SLC4A4: variants seen among roughly 807,000 people sequenced by gnomAD.
The protein encoded by SLC4A4 is solute carrier family 4 member 4.
Under a neutral mutation model 111.5 loss-of-function variants are expected in SLC4A4, and 27 were observed. The ratio of observed to expected loss-of-function variants is 0.24; its 90% CI spans 0.18 to 0.33. SLC4A4 has a LOEUF of 0.33. Ranked by LOEUF, SLC4A4 falls within the 10% of genes least tolerant of loss-of-function variation. The pLI is 1.00. For missense variants in SLC4A4, 909 were observed against 1,315.5 expected, an observed-to-expected ratio of 0.69 and a Z score of 4.78; for synonymous variants, 443 against 463.4, an observed-to-expected ratio of 0.96 and a Z score of 0.57.
intron 2 of SLC4A4, among the ~76,000 whole-genome samples, chr4:71,176,302 A>G (rs565541867): frequency 6.6e-6 from 1 of 152,370 alleles, no homozygotes; most frequent in East Asian, 1.9e-4. Flanking sequence ...GCAGCTCCTC[A>G]CTAGCAATGG....
chr4:71,106,897 C>G lies in SLC4A4; in HGVS notation c.-2+14105C>G, dbSNP rs970635582. On this transcript the variant is annotated intron_variant, in intron 2 of 26. Transcript: ENST00000649996. ...ATGTAACTAACCTGCACAGTGTGCA[C>G]ATGTACCCTAAAACTTAAAGTATAA... is the stretch of plus-strand genomic sequence containing the variant. Among the ~76,000 whole-genome samples, 108 of 145,836 alleles carry G rather than the reference C, an allele frequency of 7.4e-4. 1 individual carries two copies. Among genetic ancestry groups the G allele is most frequent in the Admixed American group, 1.3e-3 (19 of 14,686 alleles).
At chr4:71,167,102 A>G (rs1304005516) in intron 2 of SLC4A4, among the ~76,000 whole-genome samples, 2 of 152,078 alleles carry the variant, frequency 1.3e-5, no homozygotes, top group Non-Finnish European at 2.9e-5. Flanking sequence ...CCAGCTGAAG[A>G]GATTTGAGGG....
intron 7 of SLC4A4, among the ~76,000 whole-genome samples, chr4:71,419,029 A>T (rs898761324): frequency 1.1e-4 from 17 of 152,304 alleles, no homozygotes; most frequent in African/African-American, 3.8e-4. Flanking sequence ...CCGCGAATGC[A>T]GCTGTCTGAT....
At chr4:71,195,238 T>TG in intron 1 of SLC4A4, among the ~76,000 whole-genome samples, 1 of 143,262 alleles carries the variant, frequency 7.0e-6, no homozygotes, top group African/African-American at 2.6e-5. Context: ...GAGTTTTTTT[T>TG]TTTTTTTTTT....
In SLC4A4 at chr4:71,350,059, C is replaced by T. The variant is rs1195936999; in HGVS notation, c.537C>T (p.Leu179=). Residue 179 remains leucine (L), a synonymous_variant, in exon 5 of 26, where the codon CTC becomes CTT. Coordinates refer to ENST00000264485, the MANE Select transcript of SLC4A4 (RefSeq NM_001098484.3). ...SIMLDREASS[L]PQLVEMIVDH... is the part of the protein sequence containing the mutation. ...TGCTTGATCGGGAGGCTTCTTCTCT[C>T]CCACAGTTGGTGGGTAAGTATGCTG... 2.5e-6 allele frequency: 4 copies of T among 1,614,080 alleles called. No individual in the cohort carries two copies. Among genetic ancestry groups the T allele is most frequent in the Non-Finnish European group, 3.4e-6 (4 of 1,179,992 alleles).
In SLC4A4 at chr4:71,450,297, G is replaced by T. The variant is rs1725640127; in HGVS notation, c.1054-92G>T. ...TGGCTGGATTAATATTAATAGCACAGTTGTTATGGGCTGCATTCTTCAGGC... is the reference window on the plus strand; with the variant it reads ...TGGCTGGATTAATATTAATAGCACATTTGTTATGGGCTGCATTCTTCAGGC... On this transcript the variant is annotated intron_variant, in intron 9 of 25. Transcript: ENST00000264485. 4 of 914,756 alleles carry T rather than the reference G, an allele frequency of 4.4e-6. No homozygotes were observed. In the East Asian group the frequency reaches 9.7e-5, roughly 22 times the overall value. 56.7% of individuals were successfully genotyped at this position (914,756 alleles called of 1,614,324 possible). A position where few individuals can be genotyped will look rare whatever the true frequency, so the allele number is the denominator to read the frequency against.
Position 71,313,189 on chromosome 4 carries a change from GA to G in SLC4A4, c.254-26180del, listed in dbSNP as rs1036001959. ...AACTTTCATTCACAATTGCTACAAAGAGAATAAAATACCGAGGAATACAACT... is the reference window on the plus strand; with the variant it reads ...AACTTTCATTCACAATTGCTACAAAGGAATAAAATACCGAGGAATACAACT... On this transcript the variant is annotated intron_variant, in intron 3 of 25. Transcript: ENST00000264485. 1.4e-4 allele frequency among the ~76,000 whole-genome samples: 22 copies of G among 152,266 alleles called. 1 individual carries two copies. Among genetic ancestry groups the G allele is most frequent in the Admixed American group, 1.2e-3 (19 of 15,294 alleles).
At chr4:71,443,191 C>T (rs1445718043) in intron 8 of SLC4A4, among the ~76,000 whole-genome samples, 1 of 145,044 alleles carries the variant, frequency 6.9e-6, no homozygotes, top group African/African-American at 2.6e-5. Context: ...TGCTGTGTCA[C>T]CCAGGCTGGA....
intron 2 of SLC4A4, among the ~76,000 whole-genome samples, chr4:71,101,265 AC>A (rs1742725366): frequency 6.6e-6 from 1 of 152,154 alleles, no homozygotes; most frequent in Non-Finnish European, 1.5e-5. Context: ...TCTCAAAAAA[AC>A]AAAAAAACAA....
rs187040672 is a variant in SLC4A4, at chr4:71,235,178, C to A, written c.-1-1398C>A. Among the ~76,000 whole-genome samples, 10 of 152,244 alleles carry A rather than the reference C, an allele frequency of 6.6e-5. No individual in the cohort carries two copies. In the East Asian group the frequency reaches 1.9e-3, roughly 29 times the overall value. On this transcript the variant is annotated intron_variant, in intron 1 of 25. Coordinates refer to ENST00000264485, the MANE Select transcript of SLC4A4 (RefSeq NM_001098484.3). ...CTTAAAAAAGCTAAAAACTTTGCTC[C>A]AGGTAGCACACTTGTTCAGTGGTAG... is the stretch of plus-strand genomic sequence containing the variant.
At chr4:71,564,727 C>A (rs1737310585) in intron 24 of SLC4A4, among the ~76,000 whole-genome samples, 1 of 151,844 alleles carries the variant, frequency 6.6e-6, no homozygotes, top group African/African-American at 2.4e-5. Flanking sequence ...ACTTTTATTT[C>A]TATTTTACCA....
At chr4:71,082,133 T>C (rs962166386) in intron 1 of SLC4A4, among the ~76,000 whole-genome samples, 7 of 152,084 alleles carry the variant, frequency 4.6e-5, no homozygotes, top group African/African-American at 1.7e-4. Flanking sequence ...GGTCAAGATT[T>C]AATTATTTTC....
intron 2 of SLC4A4, among the ~76,000 whole-genome samples, chr4:71,133,739 A>C (rs899733118): frequency 2.0e-5 from 3 of 152,194 alleles, no homozygotes; most frequent in Non-Finnish European, 4.4e-5. Flanking sequence ...CTATTGATGT[A>C]ATCATCTCCC....
chr4:71,459,111 A>T (rs1340720947), intron 12 of SLC4A4, among the ~76,000 whole-genome samples: 1 of 152,026 alleles, frequency 6.6e-6, no homozygotes, highest in African/African-American at 2.4e-5. Flanking sequence ...GCAAGTTGTG[A>T]ATTAAATCCT....
chr4:71,440,799 T>C (rs765961750), intron 8 of SLC4A4, 26 bp downstream of exon 8: 59 of 1,612,800 alleles, frequency 3.7e-5, no homozygotes, highest in Non-Finnish European at 3.5e-5. Context: ...ACCTGGGGTC[T>C]ACAATGTGCT....
chr4:71,444,465 C>CT lies in SLC4A4; in HGVS notation c.966-3172dup, dbSNP rs140834479. Among the ~76,000 whole-genome samples, 69 of 151,420 alleles carry CT rather than the reference C, an allele frequency of 4.6e-4. No individual in the cohort carries two copies. The East Asian group carries it at 9.9e-3, about 22-fold the overall frequency. ...AAGAACTTAGTAACATAAATTAATG[C>CT]TTTTTTTTTCCAAGCTGTCAAAGTA... On this transcript the variant is annotated intron_variant, in intron 8 of 25. Transcript: ENST00000264485.
At chr4:71,372,112 C>G (rs535276983) in intron 6 of SLC4A4, among the ~76,000 whole-genome samples, 1 of 152,302 alleles carries the variant, frequency 6.6e-6, no homozygotes, top group South Asian at 2.1e-4. Context: ...TAAAGTTTAT[C>G]TTTAAAGATT....
intron 12 of SLC4A4, among the ~76,000 whole-genome samples, chr4:71,459,894 T>C (rs903150672): frequency 8.5e-5 from 13 of 152,090 alleles, no homozygotes; most frequent in Non-Finnish European, 1.9e-4. Context: ...TCATTTTTGT[T>C]TAATTCTAAT....
rs1338657449 is a variant in SLC4A4 at position 71,151,399 on chromosome 4, G to T, written c.-2+58607G>T. On this transcript the variant is annotated intron_variant, in intron 2 of 26. Transcript: ENST00000649996. The stretch of plus-strand genomic sequence containing the variant: ...TGCATTTCTCTGGTTCTGCTGACCT[G>T]CTGACCTCTTCTGATGGTCCAAGGT... 3.9e-5 allele frequency among the ~76,000 whole-genome samples: 6 copies of T among 152,074 alleles called. No individual in the cohort carries two copies. The East Asian group carries it at 5.8e-4, about 15-fold the overall frequency.
Sources: allele counts gnomAD v4.1 joint callset (sites outside exome capture counted in the v4.1 genomes callset), GRCh38; gene constraint gnomAD v4.1.1; transcripts MANE v1.5; gene names NCBI Gene and HGNC (gene_info 2026-07-23, HGNC 2026-07-21).